The following FLT1 variants were observed in gnomAD, a reference collection of about 807,000 sequenced individuals.
FLT1 encodes the protein fms related receptor tyrosine kinase 1, also known as vascular endothelial growth factor receptor 1.
FLT1 carries 49 observed loss-of-function variants against 156.3 expected under a neutral mutation model. The ratio of observed to expected loss-of-function variants is 0.31; its 90% CI spans 0.25 to 0.40. The LOEUF (loss-of-function observed/expected upper bound fraction) is 0.40. Among genes scored for constraint, FLT1 ranks in the 10% least tolerant of loss-of-function variants. The probability of loss-of-function intolerance (pLI) is 1.00; values close to 1 mark genes in which losing one functional copy is unlikely to be tolerated. For synonymous variants in FLT1, 594 were observed against 583.8 expected (o/e 1.02, Z -0.25); for missense variants, 1,322 against 1,637.2 (o/e 0.81, Z 3.32).
intron 14 of FLT1, among the ~76,000 whole-genome samples, chr13:28,366,442 T>C (rs1291624042): frequency 1.3e-5 from 2 of 152,108 alleles, no homozygotes; most frequent in African/African-American, 2.4e-5. Context: ...TTCTTTAATA[T>C]TCAGCTCAGG....
intron 13 of FLT1, chr13:28,388,319 C>A (rs534710737): frequency 2.8e-6 from 3 of 1,058,026 alleles, no homozygotes; most frequent in East Asian, 5.2e-5. Flanking sequence ...CAAGTTTAGC[C>A]GTGGGACAGA....
At chr13:28,386,847 A>G in intron 13 of FLT1, 1 of 1,050,696 alleles carries the variant, frequency 9.5e-7, no homozygotes, top group Non-Finnish European at 1.1e-6. Context: ...TCTCATTTAA[A>G]ACTCAGACCC....
intron 15 of FLT1, among the ~76,000 whole-genome samples, chr13:28,356,044 C>T (rs545853500): frequency 6.6e-6 from 1 of 152,250 alleles, no homozygotes; most frequent in African/African-American, 2.4e-5. Flanking sequence ...ATTGCTGCCC[C>T]ATATTCCCTG....
intron 3 of FLT1, among the ~76,000 whole-genome samples, chr13:28,449,181 G>A (rs905643577): frequency 6.6e-6 from 1 of 152,144 alleles, no homozygotes; most frequent in Non-Finnish European, 1.5e-5. Flanking sequence ...TACTCTGGAG[G>A]CTAAGATAGG....
chr13:28,306,439 T>C (rs1408077802), intron 29 of FLT1, among the ~76,000 whole-genome samples: 1 of 152,230 alleles, frequency 6.6e-6, no homozygotes, highest in African/African-American at 2.4e-5. Context: ...TGGCCACATC[T>C]GGACTGCCTG....
intron 14 of FLT1, among the ~76,000 whole-genome samples, chr13:28,363,303 T>A (rs1314992039): frequency 6.6e-6 from 1 of 152,236 alleles, no homozygotes; most frequent in Non-Finnish European, 1.5e-5. Flanking sequence ...ATTAAGATGA[T>A]CAGAGGTCAA....
In FLT1 at chr13:28,431,143, A is replaced by G. The variant is rs559553075; in HGVS notation, c.981T>C (p.His327=). 3 of 1,612,614 alleles carry G rather than the reference A, an allele frequency of 1.9e-6. No homozygotes were observed. The East Asian group carries it at 6.7e-5, about 36-fold the overall frequency. Residue 327 remains histidine (H), a synonymous_variant, in exon 7 of 30, where the codon CAT becomes CAC. Transcript: ENST00000282397. ...ACGCTGAACTATGCTTACCATATAT[A>G]TGCACTGAGGTGTTAACAGATTTGA... The part of the protein sequence containing the change: ...PSFKSVNTSV[H]IYDKAFITVK...
chr13:28,415,571 C>G (rs991848278), intron 10 of FLT1, among the ~76,000 whole-genome samples: 1 of 152,116 alleles, frequency 6.6e-6, no homozygotes, highest in African/African-American at 2.4e-5. Context: ...AAATCACACC[C>G]CTTGCAAGAA....
intron 12 of FLT1, among the ~76,000 whole-genome samples, chr13:28,395,603 CGTG>C (rs1340211312): frequency 7.0e-6 from 1 of 142,608 alleles, no homozygotes; most frequent in Non-Finnish European, 1.6e-5. Flanking sequence ...TTTAAAAAAA[CGTG>C]GTTACTAGAA....
intron 3 of FLT1, among the ~76,000 whole-genome samples, chr13:28,462,229 C>T (rs958372676): frequency 4.6e-5 from 7 of 152,170 alleles, no homozygotes; most frequent in Non-Finnish European, 8.8e-5. Context: ...TTAAAAAACT[C>T]GTCTGGTCAG....
intron 14 of FLT1, among the ~76,000 whole-genome samples, chr13:28,372,072 A>ATGTTTTTTTT (rs1565990471): frequency 6.4e-5 from 1 of 15,520 alleles, no homozygotes. Flanking sequence ...ATATATATAT[A>ATGTTTTTTTT]TATATTTTTT....
intron 25 of FLT1, among the ~76,000 whole-genome samples, chr13:28,312,866 G>A (rs1410060125): frequency 1.3e-5 from 2 of 152,220 alleles, no homozygotes; most frequent in Non-Finnish European, 2.9e-5. Flanking sequence ...CCTGGATAAT[G>A]AAAACATTTG....
At chr13:28,329,415 TTTAAA>T (rs1871826973) in intron 19 of FLT1, among the ~76,000 whole-genome samples, 195 bp downstream of exon 19, 1 of 152,366 alleles carries the variant, frequency 6.6e-6, no homozygotes, top group East Asian at 1.9e-4. Flanking sequence ...CTTCAGAATC[TTTAAA>T]TTAACGGCAC....
At chr13:28,427,094 A>G in intron 10 of FLT1, 65 bp downstream of exon 10, 1 of 1,438,446 alleles carries the variant, frequency 7.0e-7, no homozygotes, top group Non-Finnish European at 9.8e-7. Context: ...TGCGTCCATT[A>G]AAAAATCTTA....
intron 8 of FLT1, among the ~76,000 whole-genome samples, chr13:28,429,695 T>C (rs532165281): frequency 7.9e-5 from 12 of 152,162 alleles, no homozygotes; most frequent in Non-Finnish European, 1.6e-4. Context: ...TTCTTCAGGG[T>C]TAATAGAGCA....
intron 10 of FLT1, among the ~76,000 whole-genome samples, chr13:28,422,344 C>T (rs184150388): frequency 1.3e-4 from 20 of 152,234 alleles, no homozygotes; most frequent in African/African-American, 3.9e-4. Context: ...TAACTTAGTA[C>T]GTGGTACAAC....
chr13:28,430,697 A>T (rs1201649961), intron 7 of FLT1, among the ~76,000 whole-genome samples: 3 of 152,212 alleles, frequency 2.0e-5, no homozygotes, highest in South Asian at 2.1e-4. Flanking sequence ...AAGCAACAGC[A>T]TTAGGATTCC....
At chr13:28,357,479 G>T in intron 15 of FLT1, 75 bp downstream of exon 15, 1 of 1,467,082 alleles carries the variant, frequency 6.8e-7, no homozygotes. Flanking sequence ...CAGGAGACTG[G>T]GAGGTGGAAA....
At chr13:28,340,854 G>C (rs1872307131) in intron 16 of FLT1, among the ~76,000 whole-genome samples, 1 of 147,382 alleles carries the variant, frequency 6.8e-6, no homozygotes, top group Admixed American at 7.0e-5. Flanking sequence ...AAACGATATG[G>C]AGCACGTTTG....
Sources: gnomAD v4.1 joint callset for allele counts (sites outside exome capture counted in the v4.1 genomes callset) on GRCh38, gnomAD v4.1.1 for gene constraint, MANE v1.5 for transcripts, NCBI Gene and HGNC (gene_info 2026-07-23, HGNC 2026-07-21) for gene names.